SCHIP1: variants seen among roughly 807,000 people sequenced by gnomAD.
SCHIP1 encodes schwannomin interacting protein 1.
SCHIP1 carries 8 observed loss-of-function variants against 29.7 expected under a neutral mutation model. That is an observed-to-expected ratio of 0.27 (90% confidence interval 0.16 to 0.49). The LOEUF is 0.49. SCHIP1 is among the 20% of genes least tolerant of loss of function. SCHIP1 has a pLI of 0.99. For synonymous variants in SCHIP1, 76 were observed against 94.9 expected, an observed-to-expected ratio of 0.80 and a Z score of 1.16; for missense variants, 193 against 294.6, an observed-to-expected ratio of 0.66 and a Z score of 2.52.
the SCHIP1 span, among the ~76,000 whole-genome samples, chr3:159,540,283 G>A: frequency 6.6e-6 from 1 of 151,998 alleles, no homozygotes; most frequent in Admixed American, 6.6e-5. Context: ...AGTGTAGAAA[G>A]GTACTTTCTT....
chr3:159,658,455 C>T, the SCHIP1 span, among the ~76,000 whole-genome samples: 2 of 152,254 alleles, frequency 1.3e-5, no homozygotes, highest in East Asian at 1.9e-4. Context: ...TATTAAAGTT[C>T]GAGAACCTGA....
At chr3:159,540,222 T>C in the SCHIP1 span, among the ~76,000 whole-genome samples, 1 of 151,996 alleles carries the variant, frequency 6.6e-6, no homozygotes, top group African/African-American at 2.4e-5. Context: ...GTAGGCCTGA[T>C]GTTTTTTAAA....
At chr3:159,828,450 T>C in the SCHIP1 span, among the ~76,000 whole-genome samples, 134 of 126,338 alleles carry the variant, frequency 1.1e-3, 13 homozygotes, top group African/African-American at 4.0e-3. Context: ...CGTATATATA[T>C]ACGTATATAT....
the SCHIP1 span, among the ~76,000 whole-genome samples, chr3:159,755,323 G>A: frequency 6.6e-6 from 1 of 152,118 alleles, no homozygotes; most frequent in African/African-American, 2.4e-5. Flanking sequence ...AGGGAAGGAG[G>A]AGCAAGTCAC....
the SCHIP1 span, among the ~76,000 whole-genome samples, chr3:159,494,658 T>A: frequency 4.9e-4 from 17 of 34,634 alleles, no homozygotes; most frequent in Non-Finnish European, 8.1e-4. Context: ...GATTCACAGC[T>A]GAATTCTATC....
chr3:159,439,357 T>C, the SCHIP1 span, among the ~76,000 whole-genome samples: 1 of 152,110 alleles, frequency 6.6e-6, no homozygotes, highest in Non-Finnish European at 1.5e-5. Context: ...AGCAAGGCAC[T>C]TTCTTCAAAA....
At chr3:159,833,189 A>G in the SCHIP1 span, among the ~76,000 whole-genome samples, 10 of 152,250 alleles carry the variant, frequency 6.6e-5, no homozygotes, top group Admixed American at 6.5e-4. Context: ...TGGTATTATA[A>G]TATCAAAAGT....
At chr3:159,626,119 TAGA>T in the SCHIP1 span, among the ~76,000 whole-genome samples, 1 of 121,196 alleles carries the variant, frequency 8.3e-6, no homozygotes, top group Non-Finnish European at 1.5e-5. Context: ...GATAGATAGA[TAGA>T]TAGATAGATA....
chr3:159,432,368 G>C, the SCHIP1 span, among the ~76,000 whole-genome samples: 1 of 150,288 alleles, frequency 6.7e-6, no homozygotes, highest in African/African-American at 2.4e-5. Flanking sequence ...GAGAGGGAGA[G>C]AGAGAGAGAT....
At chr3:159,885,445 G>A (rs546403742) in intron 2 of SCHIP1, among the ~76,000 whole-genome samples, 3 of 152,330 alleles carry the variant, frequency 2.0e-5, no homozygotes, top group South Asian at 2.1e-4. Flanking sequence ...GCAGCTACAC[G>A]GCCAGGTTAC....
the SCHIP1 span, among the ~76,000 whole-genome samples, chr3:159,540,819 T>C: frequency 6.6e-6 from 1 of 152,140 alleles, no homozygotes; most frequent in African/African-American, 2.4e-5. Context: ...TATCAAGGCA[T>C]GCAACAGCTT....
At chr3:159,315,957 G>C in the SCHIP1 span, among the ~76,000 whole-genome samples, 1 of 151,986 alleles carries the variant, frequency 6.6e-6, no homozygotes, top group Admixed American at 6.6e-5. Flanking sequence ...TGTAAAGTGA[G>C]GAAATGGAGT....
chr3:159,572,041 C>G, the SCHIP1 span, among the ~76,000 whole-genome samples: 7 of 152,034 alleles, frequency 4.6e-5, no homozygotes, highest in African/African-American at 1.7e-4. Flanking sequence ...GTCTTGCTAG[C>G]AGTCTGTCAA....
At chr3:159,806,679 T>C in the SCHIP1 span, among the ~76,000 whole-genome samples, 2 of 152,256 alleles carry the variant, frequency 1.3e-5, no homozygotes, top group Admixed American at 1.3e-4. Flanking sequence ...TCCTGACAGC[T>C]GTTCAGTCTT....
At chr3:159,346,068 C>T in the SCHIP1 span, among the ~76,000 whole-genome samples, 1 of 151,744 alleles carries the variant, frequency 6.6e-6, no homozygotes, top group African/African-American at 2.4e-5. Context: ...GTGGCATGCA[C>T]CTGTAGTCCC....
At chr3:159,480,591 A>G in the SCHIP1 span, among the ~76,000 whole-genome samples, 1 of 152,050 alleles carries the variant, frequency 6.6e-6, no homozygotes, top group Non-Finnish European at 1.5e-5. Flanking sequence ...ATTTATTATA[A>G]ATCCCTTCTC....
At chr3:159,841,967 T>C (rs1744267020) in intron 1 of SCHIP1, among the ~76,000 whole-genome samples, 2 of 152,178 alleles carry the variant, frequency 1.3e-5, no homozygotes, top group South Asian at 2.1e-4. Context: ...ACAGAAACAT[T>C]AACCTTGAAG....
the SCHIP1 span, among the ~76,000 whole-genome samples, chr3:159,715,207 A>G: frequency 6.6e-6 from 1 of 152,362 alleles, no homozygotes; most frequent in South Asian, 2.1e-4. Context: ...GAAAACTAAC[A>G]AACAGAAAGG....
At chr3:159,530,339 A>G in the SCHIP1 span, among the ~76,000 whole-genome samples, 10 of 152,176 alleles carry the variant, frequency 6.6e-5, no homozygotes, top group African/African-American at 2.4e-4. Context: ...ACCTGGACCA[A>G]TATCCTCAAG....
Sources: allele counts gnomAD v4.1 joint callset (sites outside exome capture counted in the v4.1 genomes callset), GRCh38; gene constraint gnomAD v4.1.1; transcripts MANE v1.5; gene names NCBI Gene and HGNC (gene_info 2026-07-23, HGNC 2026-07-21).